The following PLXNA2 variants were observed in gnomAD, a reference collection of about 807,000 sequenced individuals.
PLXNA2 encodes the protein plexin A2, also known as plexin-A2.
In PLXNA2, 91 loss-of-function variants were observed where a neutral mutation model predicts 193.5. That is an observed-to-expected ratio of 0.47 (90% CI 0.40 to 0.56). The LOEUF (loss-of-function observed/expected upper bound fraction) is 0.56. PLXNA2 is among the 20% of genes least tolerant of loss of function. The probability of loss-of-function intolerance (pLI) is 0.00; values close to 1 mark genes in which losing one functional copy is unlikely to be tolerated. For missense variants in PLXNA2, 1,995 were observed against 2,503.2 expected (o/e 0.80, Z 4.33); for synonymous variants, 997 against 1,027.3 (o/e 0.97, Z 0.56).
intron 4 of PLXNA2, among the ~76,000 whole-genome samples, chr1:208,119,435 T>C (rs1667739218): frequency 6.6e-6 from 1 of 152,122 alleles, no homozygotes; most frequent in African/African-American, 2.4e-5. Context: ...GAAGCTCTAG[T>C]CCCTGCAAAG....
intron 3 of PLXNA2, among the ~76,000 whole-genome samples, chr1:208,202,056 G>T (rs981182860): frequency 1.3e-5 from 2 of 150,488 alleles, no homozygotes; most frequent in African/African-American, 4.9e-5. Flanking sequence ...TCAGCTCACT[G>T]CAACCTCTGC....
Position 208,038,516 on chromosome 1 carries a change from G to T in PLXNA2, c.4661-42C>A. 1 of 1,462,882 alleles carries T rather than the reference G, an allele frequency of 6.8e-7. No individual in the cohort carries two copies. Among genetic ancestry groups the T allele is most frequent in the Non-Finnish European group, 9.6e-7 (1 of 1,042,280 alleles). 90.6% of individuals were successfully genotyped at this position (1,462,882 alleles called of 1,614,324 possible). On this transcript the variant is annotated intron_variant, in intron 25 of 31. Transcript: ENST00000367033. The surrounding 1 kb of genome is among the most constrained non-coding windows in gnomAD (Gnocchi z 4.1). ...GTGCAGGGAGCGGCGTGAGAGGGAT[G>T]AGGGCTGTGAGCCAGTGTCTCCCGA...
At chr1:208,162,986 A>C (rs565278817) in intron 3 of PLXNA2, among the ~76,000 whole-genome samples, 1 of 152,358 alleles carries the variant, frequency 6.6e-6, no homozygotes, top group East Asian at 1.9e-4. Context: ...GGAAGGCTTC[A>C]CTGAGGAGGT....
Position 208,084,464 on chromosome 1 carries a change from C to G in PLXNA2, c.2214G>C (p.Glu738Asp). 6.2e-7 allele frequency: 1 copy of G among 1,614,286 alleles called. No homozygotes were observed. ...PQPQSGQRGY[E>D]CVLNIQGAIH... Reference sequence around the variant, plus strand: ...TGGCTCCTTGTATGTTGAGGACACACTCATAGCCTCGCTGGCCGGACTGCG... The same window carrying G: ...TGGCTCCTTGTATGTTGAGGACACAGTCATAGCCTCGCTGGCCGGACTGCG... Residue 738 changes from glutamate (E) to aspartate (D), a missense_variant, in exon 10 of 32, where the codon GAG (glutamate) becomes GAC (aspartate). By Grantham distance (45) the Glu-to-Asp change is conservative. Transcript: ENST00000367033.
chr1:208,145,178 T>C (rs747193941), intron 3 of PLXNA2, among the ~76,000 whole-genome samples: 4 of 152,198 alleles, frequency 2.6e-5, no homozygotes, highest in Non-Finnish European at 5.9e-5. Flanking sequence ...CAGTTTTCTG[T>C]CTCCATAAAA....
intron 4 of PLXNA2, among the ~76,000 whole-genome samples, chr1:208,127,169 T>C (rs1407318010): frequency 6.6e-6 from 1 of 152,106 alleles, no homozygotes; most frequent in African/African-American, 2.4e-5. Context: ...CTTTGGGAAG[T>C]CCAAGGAGAT....
chr1:208,029,483 A>G (rs1201528), intron 29 of PLXNA2: 996,237 of 1,005,572 alleles, frequency 0.99, 494,095 homozygotes, highest in East Asian at 1. Flanking sequence ...GCCTCGGAGC[A>G]GGCACAAAGG....
chr1:208,226,665 G>A, intron 1 of PLXNA2, among the ~76,000 whole-genome samples: 1 of 152,222 alleles, frequency 6.6e-6, no homozygotes. Context: ...GGGCCTGTCA[G>A]AAATCTCCCA....
chr1:208,231,790 T>C (rs1671700442), intron 1 of PLXNA2, among the ~76,000 whole-genome samples: 2 of 152,210 alleles, frequency 1.3e-5, no homozygotes, highest in Admixed American at 6.5e-5. Context: ...AGGCACCAGA[T>C]GTGAAAGTGG....
intron 17 of PLXNA2, among the ~76,000 whole-genome samples, chr1:208,047,002 C>T (rs2785624): frequency 6.6e-6 from 1 of 151,918 alleles, no homozygotes; most frequent in Non-Finnish European, 1.5e-5. Flanking sequence ...GTTCTGTTGC[C>T]CAGGCTGGAG....
At chr1:208,040,934 C>T (rs183774341) in intron 22 of PLXNA2, among the ~76,000 whole-genome samples, 11 of 152,234 alleles carry the variant, frequency 7.2e-5, no homozygotes, top group Admixed American at 1.3e-4. Context: ...AAGGGGATGC[C>T]GGAGGGGTAT....
At chr1:208,242,977 A>C (rs1185141480) in intron 1 of PLXNA2, among the ~76,000 whole-genome samples, 4 of 151,606 alleles carry the variant, frequency 2.6e-5, no homozygotes, top group Non-Finnish European at 5.9e-5. Context: ...AACCCCCAGC[A>C]CTCCTGTGGT....
chr1:208,082,954 A>T lies in PLXNA2; in HGVS notation c.2299-446T>A, dbSNP rs1218869935. ...AAACTGTCCATCCCCTGGTGTTGCC[A>T]CTTTCTGTCTTGCACTGGCACTTTC... On this transcript the variant is annotated intron_variant, in intron 10 of 31. Coordinates refer to ENST00000367033, the MANE Select transcript of PLXNA2 (RefSeq NM_025179.4). The surrounding 1 kb of genome is among the most constrained non-coding windows in gnomAD (Gnocchi z 4.2). Among the ~76,000 whole-genome samples, 1 of 152,058 alleles carries T rather than the reference A, an allele frequency of 6.6e-6. No homozygotes were observed. Among genetic ancestry groups the T allele is most frequent in the Non-Finnish European group, 1.5e-5 (1 of 68,012 alleles).
intron 9 of PLXNA2, among the ~76,000 whole-genome samples, chr1:208,086,400 T>C (rs1666520727): frequency 6.6e-6 from 1 of 152,114 alleles, no homozygotes; most frequent in South Asian, 2.1e-4. Context: ...AGGCATTTGG[T>C]TCTCAAAAGC....
rs201952593 is a variant in PLXNA2 at position 208,079,307 on chromosome 1, C to T, written c.2539G>A (p.Asp847Asn). ...HCTSPSSPWL[D>N]WSSHNVKCSN... Reference sequence around the variant, plus strand: ...CACTTGACATTGTGGCTGGACCAGTCGAGCCAGGGGCTGGAAGGGCTGGTA... The same window carrying T: ...CACTTGACATTGTGGCTGGACCAGTTGAGCCAGGGGCTGGAAGGGCTGGTA... Residue 847 changes from aspartate to asparagine, a missense_variant, in exon 12 of 32, where the codon GAC (aspartate) becomes AAC (asparagine). Asp to Asn is a conservative substitution (Grantham distance 23). Coordinates refer to ENST00000367033, the MANE Select transcript of PLXNA2 (RefSeq NM_025179.4). 1.6e-4 allele frequency: 258 copies of T among 1,612,896 alleles called. No homozygotes were observed. The highest frequency in any genetic ancestry group is 5.0e-4 in the Middle Eastern group (3 of 6,048).
At chr1:208,174,500 T>C (rs1250753156) in intron 3 of PLXNA2, among the ~76,000 whole-genome samples, 10 of 151,740 alleles carry the variant, frequency 6.6e-5, no homozygotes. Context: ...GTGGAGACCA[T>C]ATGGAGGAGG....
intron 3 of PLXNA2, among the ~76,000 whole-genome samples, chr1:208,200,131 A>G (rs1670493675): frequency 6.6e-6 from 1 of 152,194 alleles, no homozygotes; most frequent in Non-Finnish European, 1.5e-5. Flanking sequence ...TAGAAACCAT[A>G]ACACAGGGTA....
At chr1:208,117,249 C>A (rs1278276841) in intron 4 of PLXNA2, among the ~76,000 whole-genome samples, 2 of 151,928 alleles carry the variant, frequency 1.3e-5, no homozygotes, top group African/African-American at 4.8e-5. Flanking sequence ...AGGCTGAAAC[C>A]TAACCACCCT....
intron 4 of PLXNA2, among the ~76,000 whole-genome samples, chr1:208,114,966 T>C (rs1435148668): frequency 6.6e-6 from 1 of 152,210 alleles, no homozygotes; most frequent in Non-Finnish European, 1.5e-5. Context: ...ATTGGAACAT[T>C]TTAATTTCCT....
Sources: allele counts gnomAD v4.1 joint callset (sites outside exome capture counted in the v4.1 genomes callset), GRCh38; gene constraint gnomAD v4.1.1; non-coding constraint Gnocchi (gnomAD v3.1); transcripts MANE v1.5; gene names NCBI Gene and HGNC (gene_info 2026-07-23, HGNC 2026-07-21).